Variants in BLTP1 observed in about 807,000 individuals in gnomAD.
The protein encoded by BLTP1 is fragile site-associated protein.
chr4:122,250,954 G>A, the BLTP1 span: 1 of 985,084 alleles, frequency 1.0e-6, no homozygotes, highest in African/African-American at 1.7e-5. Context: ...AAATATTTTT[G>A]TCAGTGTTTG....
At chr4:122,237,798 C>A in the BLTP1 span, among the ~76,000 whole-genome samples, 2 of 151,918 alleles carry the variant, frequency 1.3e-5, 1 homozygote, top group Admixed American at 1.3e-4. Context: ...TCCTGGCCAA[C>A]ATGGGGAAAC....
chr4:122,302,243 C>G, the BLTP1 span: 1 of 980,888 alleles, frequency 1.0e-6, no homozygotes, highest in Non-Finnish European at 1.2e-6. Flanking sequence ...TTGCTACTAA[C>G]ACGAGAAATT....
chr4:122,361,982 T>C, the BLTP1 span: 2 of 1,585,244 alleles, frequency 1.3e-6, no homozygotes, highest in Non-Finnish European at 1.7e-6. Flanking sequence ...ATTAGAACCA[T>C]GCTTTAGGGC....
chr4:122,271,023 G>T, the BLTP1 span: 1 of 1,593,164 alleles, frequency 6.3e-7, no homozygotes, highest in African/African-American at 1.3e-5. Flanking sequence ...TTTAGGCAAG[G>T]CCATGTGAAT....
At chr4:122,169,629 AC>A in the BLTP1 span, 1 of 961,526 alleles carries the variant, frequency 1.0e-6, no homozygotes, top group Non-Finnish European at 1.2e-6. Flanking sequence ...TATTGTTGGT[AC>A]ATCTCAATAT....
chr4:122,167,927 A>G, the BLTP1 span: 5 of 978,100 alleles, frequency 5.1e-6, no homozygotes, highest in Middle Eastern at 5.2e-4. Context: ...GCAATAGATT[A>G]CCATAAGTCT....
chr4:122,250,380 C>G, the BLTP1 span: 1 of 1,608,172 alleles, frequency 6.2e-7, no homozygotes, highest in East Asian at 2.2e-5. Context: ...CAGTCTGGTG[C>G]TGTTTTATAT....
chr4:122,161,061 G>A, the BLTP1 span: 3 of 686,736 alleles, frequency 4.4e-6, no homozygotes, highest in South Asian at 6.6e-5. Flanking sequence ...GTGCTAACAG[G>A]TACTTAACCT....
chr4:122,360,166 C>A, the BLTP1 span: 2 of 481,368 alleles, frequency 4.2e-6, no homozygotes, highest in Non-Finnish European at 5.4e-6. Context: ...GTAATAAAAC[C>A]TGCAGCATCA....
At chr4:122,170,345 G>A in the BLTP1 span, 1 of 768,718 alleles carries the variant, frequency 1.3e-6, no homozygotes, top group Non-Finnish European at 1.6e-6. Context: ...TCACATTCCT[G>A]TTATTTTGAG....
the BLTP1 span, chr4:122,343,232 A>G: frequency 2.7e-6 from 1 of 364,680 alleles, no homozygotes; most frequent in Non-Finnish European, 3.8e-6. Flanking sequence ...ATTGGAAAAT[A>G]CATCTAAGTC....
At chr4:122,198,396 C>T in the BLTP1 span, 13 of 985,154 alleles carry the variant, frequency 1.3e-5, no homozygotes, top group Admixed American at 6.2e-5. Context: ...ACATCTTTTA[C>T]AGGTGTATGA....
the BLTP1 span, among the ~76,000 whole-genome samples, chr4:122,339,703 C>A: frequency 2.0e-5 from 3 of 152,024 alleles, no homozygotes; most frequent in Non-Finnish European, 2.9e-5. Flanking sequence ...ATATAATAAT[C>A]CACATGTTCA....
At chr4:122,162,357 A>G in the BLTP1 span, 3 of 187,580 alleles carry the variant, frequency 1.6e-5, no homozygotes, top group Non-Finnish European at 3.0e-5. Flanking sequence ...GATAAAGGAA[A>G]ACCTTATTTC....
chr4:122,239,055 A>T, the BLTP1 span, among the ~76,000 whole-genome samples: 2 of 152,140 alleles, frequency 1.3e-5, no homozygotes, highest in African/African-American at 4.8e-5. Context: ...AAATGGCCTT[A>T]TTCTTACCAG....
chr4:122,235,680 C>T, the BLTP1 span: 1 of 155,508 alleles, frequency 6.4e-6, no homozygotes, highest in Admixed American at 6.5e-5. Flanking sequence ...TGGCGGGCGC[C>T]TGTAGTCCCA....
the BLTP1 span, chr4:122,289,094 C>A: frequency 1.2e-6 from 2 of 1,606,296 alleles, no homozygotes; most frequent in South Asian, 2.2e-5. Flanking sequence ...CAGGTTGGTT[C>A]CTTTGAACAT....
chr4:122,336,999 T>G, the BLTP1 span: 3 of 1,609,800 alleles, frequency 1.9e-6, no homozygotes, highest in Non-Finnish European at 2.5e-6. Context: ...CTGTAGATGT[T>G]GTGGTTTATG....
the BLTP1 span, chr4:122,286,606 G>A: frequency 1.9e-6 from 3 of 1,613,938 alleles, no homozygotes; most frequent in African/African-American, 4.0e-5. Flanking sequence ...AAAAGTTTCT[G>A]CCACAGATAT....
Sources: allele counts gnomAD v4.1 joint callset (sites outside exome capture counted in the v4.1 genomes callset), GRCh38; gene constraint gnomAD v4.1.1; transcripts MANE v1.5; gene names NCBI Gene and HGNC (gene_info 2026-07-23, HGNC 2026-07-21).